COCH: variants seen among roughly 807,000 people sequenced by gnomAD.
COCH encodes the protein coagulation factor C homolog, cochlin (Limulus polyphemus).
Under a neutral mutation model 54.8 loss-of-function variants are expected in COCH, and 40 were observed. The observed-to-expected ratio is 0.73, with a 90% CI of 0.57 to 0.95. The LOEUF (loss-of-function observed/expected upper bound fraction) is 0.95. Ranked by LOEUF, COCH falls within the 40% of genes least tolerant of loss-of-function variation. The pLI is 0.00. For synonymous variants in COCH, 256 were observed against 237.9 expected (o/e 1.08, Z -0.70); for missense variants, 605 against 675.0 (o/e 0.90, Z 1.15).
chr14:30,874,691 C>A (rs1305447543), intron 1 of COCH, 100 bp downstream of exon 1: 3 of 597,372 alleles, frequency 5.0e-6, no homozygotes, highest in African/African-American at 1.9e-5. Context: ...GTTTTGGCGC[C>A]CCCGCCTCCC....
chr14:30,893,304 G>A (rs12897108), downstream of COCH, among the ~76,000 whole-genome samples: 5 of 151,604 alleles, frequency 3.3e-5, no homozygotes, highest in African/African-American at 9.7e-5. Context: ...CCGCCACCAC[G>A]CCCGGCTAAT....
downstream of COCH, among the ~76,000 whole-genome samples, chr14:30,893,200 G>A (rs1470119116): frequency 7.2e-6 from 1 of 139,324 alleles, no homozygotes; most frequent in Non-Finnish European, 1.5e-5. Flanking sequence ...CACCCAGGCT[G>A]GAGTGCAGTG....
chr14:30,892,501 G>A (rs1347395262), downstream of COCH, among the ~76,000 whole-genome samples: 1 of 152,004 alleles, frequency 6.6e-6, no homozygotes, highest in Admixed American at 6.6e-5. Flanking sequence ...CAAAAAAAAT[G>A]GTATTTAAAA....
intron 9 of COCH, chr14:30,884,872 C>T (rs1253240389): frequency 3.2e-6 from 5 of 1,546,354 alleles, no homozygotes; most frequent in African/African-American, 1.4e-5. Context: ...AAATATAAAG[C>T]ATGGTGATTT....
intron 8 of COCH, 28 bp from the exon 9 acceptor site, chr14:30,884,525 T>G: frequency 1.4e-6 from 2 of 1,473,818 alleles, no homozygotes; most frequent in Middle Eastern, 1.7e-4. Context: ...TAATTCTCCC[T>G]GAATAACATT....
At chr14:30,879,793 GC>G (rs1264582394) in intron 6 of COCH, among the ~76,000 whole-genome samples, 2 of 152,054 alleles carry the variant, frequency 1.3e-5, no homozygotes, top group African/African-American at 4.8e-5. Context: ...ACAGGCACAT[GC>G]CACCACACCC....
In COCH at chr14:30,890,411, G is replaced by A. The variant is rs1895942654; in HGVS notation, c.*620G>A. On this transcript the variant is annotated 3_prime_UTR_variant, in exon 12 of 12. Transcript: ENST00000396618. ...ACTGAATAAGAGAGCAGGATTGCCAGGTATTTTTCTATTTCTCTCCTTAAT... is the reference window on the plus strand; with the variant it reads ...ACTGAATAAGAGAGCAGGATTGCCAAGTATTTTTCTATTTCTCTCCTTAAT... 4 of 981,974 alleles carry A rather than the reference G, an allele frequency of 4.1e-6. No individual in the cohort carries two copies. In the African/African-American group the frequency reaches 7.0e-5, roughly 17 times the overall value. 60.8% of individuals were successfully genotyped at this position (981,974 alleles called of 1,614,324 possible).
chr14:30,890,573 G>A lies in COCH; in HGVS notation c.*782G>A, dbSNP rs1411871870. ...TTCAAATAACTGCAGAAAAAATATTGTAGTTTGAATATTTAAGCAATAAAA... is the reference window on the plus strand; with the variant it reads ...TTCAAATAACTGCAGAAAAAATATTATAGTTTGAATATTTAAGCAATAAAA... On this transcript the variant is annotated 3_prime_UTR_variant, in exon 12 of 12. Coordinates refer to ENST00000396618, the MANE Select transcript of COCH (RefSeq NM_004086.3). 9 of 968,480 alleles carry A rather than the reference G, an allele frequency of 9.3e-6. No individual in the cohort carries two copies. Among genetic ancestry groups the A allele is most frequent in the Non-Finnish European group, 1.1e-5 (9 of 814,338 alleles). 60.0% of individuals were successfully genotyped at this position (968,480 alleles called of 1,614,324 possible). A position where few individuals can be genotyped will look rare whatever the true frequency, so the allele number is the denominator to read the frequency against.
Position 30,877,348 on chromosome 14 carries a change from T to A in COCH, c.83-224T>A. The A allele has an allele frequency of 1.8e-6, 1 of 548,772 alleles. No individual in the cohort carries two copies. The highest frequency in any genetic ancestry group is 3.2e-6 in the Non-Finnish European group (1 of 316,108). The allele number at this position is 548,772 out of a possible 1,614,324, so 34.0% of individuals were successfully genotyped here. Reference sequence around the variant, plus strand: ...CAAAAACGAAATAAAAACCCAGAACTTTCACATTAGAGTTTTATAGTGGCT... The same window carrying A: ...CAAAAACGAAATAAAAACCCAGAACATTCACATTAGAGTTTTATAGTGGCT... On this transcript the variant is annotated intron_variant, in intron 3 of 11. Transcript: ENST00000396618. The surrounding 1 kb of genome is among the most constrained non-coding windows in gnomAD (Gnocchi z 8.6).
intron 7 of COCH, 22 bp from the exon 8 acceptor site, chr14:30,880,565 G>C: frequency 6.2e-7 from 1 of 1,614,074 alleles, no homozygotes; most frequent in Non-Finnish European, 8.5e-7. Flanking sequence ...GCTAATGAGG[G>C]GACTGGTTTG....
intron 11 of COCH, among the ~76,000 whole-genome samples, chr14:30,888,792 GAAA>G (rs34664716): frequency 1.6e-5 from 2 of 126,726 alleles, no homozygotes; most frequent in Admixed American, 8.1e-5. Flanking sequence ...CCCTGTCTGA[GAAA>G]AAAAAAAAAA....
Position 30,880,568 on chromosome 14 carries a change from C to T in COCH, c.482-19C>T, listed in dbSNP as rs1285112466. 1 of 1,614,034 alleles carries T rather than the reference C, an allele frequency of 6.2e-7. No homozygotes were observed. Among genetic ancestry groups the T allele is most frequent in the Non-Finnish European group, 8.5e-7 (1 of 1,179,996 alleles). ...CCTCTTGAGACTGCTAATGAGGGGA[C>T]TGGTTTGGTTGTTCGCAGATTGTAA... is the stretch of plus-strand genomic sequence containing the variant. On this transcript the variant is annotated intron_variant, in intron 7 of 11. Coordinates refer to ENST00000396618, the MANE Select transcript of COCH (RefSeq NM_004086.3).
downstream of COCH, chr14:30,895,552 A>G (rs377743039): frequency 1.2e-6 from 2 of 1,613,878 alleles, no homozygotes; most frequent in African/African-American, 2.7e-5. Flanking sequence ...TGCTGTCTAA[A>G]TTCCATAATC....
Position 30,886,007 on chromosome 14 carries a change from C to G in COCH, c.1172C>G (p.Ser391Cys). ...SNFRLMLEFV[S>C]NIAKTFEISD... ...TTCCGCCTCATGCTTGAATTTGTTT[C>G]CAACATAGCCAAGACTTTTGAAATC... Residue 391 changes from serine to cysteine, a missense_variant, in exon 11 of 12, where the codon TCC becomes TGC. Physicochemically the swap from Ser to Cys is moderately radical, Grantham distance 112. Transcript: ENST00000396618. 6.2e-7 allele frequency: 1 copy of G among 1,614,184 alleles called. No homozygotes were observed. Among genetic ancestry groups the G allele is most frequent in the Non-Finnish European group, 8.5e-7 (1 of 1,180,034 alleles).
chr14:30,884,752 T>C, intron 9 of COCH, 96 bp downstream of exon 9: 1 of 1,287,302 alleles, frequency 7.8e-7, no homozygotes, highest in South Asian at 1.3e-5. Flanking sequence ...TGAGCAGATG[T>C]GAAATCCTCC....
Position 30,879,427 on chromosome 14 carries a change from C to T in COCH, c.378C>T (p.Gly126=), listed in dbSNP as rs148599620. 12 of 1,613,752 alleles carry T rather than the reference C, an allele frequency of 7.4e-6. No homozygotes were observed. Among genetic ancestry groups the T allele is most frequent in the South Asian group, 1.1e-5 (1 of 91,066 alleles). The change falls in exon 6 of 12, where the codon GGC becomes GGT. Residue 126 remains glycine, a synonymous_variant. Coordinates refer to ENST00000396618, the MANE Select transcript of COCH (RefSeq NM_004086.3). ...RWSASFTVTK[G]KSSTQEATGQ... ...AGCTTATTTTTATTTTAACAGAAGG[C>T]AAAAGTAGTACACAGGAGGCCACAG...
In COCH at chr14:30,886,125, C is replaced by T; in HGVS notation, c.1290C>T (p.Val430=). ...SFTDYSTKEN[V]LAVIRNIRYM... ...CTGACTATAGCACCAAAGAGAATGT[C>T]CTAGCTGTCATCAGAAACATCCGCT... The change falls in exon 11 of 12, where the codon GTC becomes GTT. Residue 430 remains valine (V), a synonymous_variant. Transcript: ENST00000396618. The T allele has an allele frequency of 1.2e-6, 2 of 1,613,110 alleles. No individual in the cohort carries two copies. Among genetic ancestry groups the T allele is most frequent in the African/African-American group, 1.3e-5 (1 of 75,030 alleles).
rs1895915065 is a variant in COCH, at chr14:30,889,652, C to T, written c.1514C>T (p.Pro505Leu). The change falls in exon 12 of 12, where the codon CCT (proline) becomes CTT (leucine). Residue 505 changes from proline (P) to leucine (L), a missense_variant. By Grantham distance (98) the Pro-to-Leu change is moderately conservative (BLOSUM62 -3). Coordinates refer to ENST00000396618, the MANE Select transcript of COCH (RefSeq NM_004086.3). ...TTCTCTGTTGGTGTGGCTTGGGCAC[C>T]TCTGGATGACCTGAAAGATATGGCT... is the stretch of plus-strand genomic sequence containing the variant. ...TIFSVGVAWA[P>L]LDDLKDMASK... 6.2e-7 allele frequency: 1 copy of T among 1,613,920 alleles called. No homozygotes were observed. The highest frequency in any genetic ancestry group is 1.7e-5 in the Admixed American group (1 of 60,000).
chr14:30,880,320 C>G, intron 6 of COCH, 132 bp from the exon 7 acceptor site: 1 of 1,361,488 alleles, frequency 7.3e-7, no homozygotes, highest in African/African-American at 1.5e-5. Context: ...CCAGAAAATC[C>G]TGAGGAAATT....
Sources: allele counts gnomAD v4.1 joint callset (sites outside exome capture counted in the v4.1 genomes callset), GRCh38; gene constraint gnomAD v4.1.1; non-coding constraint Gnocchi (gnomAD v3.1); transcripts MANE v1.5; gene names NCBI Gene and HGNC (gene_info 2026-07-23, HGNC 2026-07-21).